The following KCNJ6 variants were observed in gnomAD, a reference collection of about 807,000 sequenced individuals.
The protein encoded by KCNJ6 is potassium inwardly rectifying channel subfamily J member 6, also known as G protein-activated inward rectifier potassium channel 2.
KCNJ6 carries 9 observed loss-of-function variants against 34.2 expected under a neutral mutation model. That is an observed-to-expected ratio of 0.26 (90% CI 0.16 to 0.46). The LOEUF (loss-of-function observed/expected upper bound fraction) is 0.46, where lower values mean the gene tolerates loss of function less well. KCNJ6 is among the 20% of genes least tolerant of loss of function. KCNJ6 has a pLI of 1.00. For synonymous variants in KCNJ6, 196 were observed against 207.1 expected (o/e 0.95, Z 0.46); for missense variants, 236 against 531.3 (o/e 0.44, Z 5.46).
chr21:37,794,140 A>G (rs2055230130), intron 2 of KCNJ6, among the ~76,000 whole-genome samples: 1 of 152,194 alleles, frequency 6.6e-6, no homozygotes. Flanking sequence ...TTTCCTTAAC[A>G]TGTACTCTGC....
chr21:37,856,126 G>A (rs1180031081), intron 1 of KCNJ6, among the ~76,000 whole-genome samples: 1 of 152,166 alleles, frequency 6.6e-6, no homozygotes, highest in African/African-American at 2.4e-5. Flanking sequence ...AGGAGGGTGG[G>A]GAAGGGGAGG....
chr21:37,866,796 C>T (rs527274942), intron 1 of KCNJ6, among the ~76,000 whole-genome samples: 8 of 152,280 alleles, frequency 5.3e-5, no homozygotes, highest in African/African-American at 1.7e-4. Flanking sequence ...TGGCCAACGG[C>T]TGTTGGAAAG....
chr21:37,636,935 C>T (rs917211307), intron 3 of KCNJ6, among the ~76,000 whole-genome samples: 6 of 152,368 alleles, frequency 3.9e-5, no homozygotes, highest in South Asian at 2.1e-4. Context: ...ACTCTCACCA[C>T]TTCTGAATAC....
At chr21:37,781,701 T>A (rs764175889) in intron 2 of KCNJ6, among the ~76,000 whole-genome samples, 17 of 152,138 alleles carry the variant, frequency 1.1e-4, no homozygotes, top group Non-Finnish European at 2.4e-4. Flanking sequence ...AAACCGATAC[T>A]AGAAAGAGTA....
At chr21:37,702,737 C>G (rs2054698029) in intron 3 of KCNJ6, among the ~76,000 whole-genome samples, 1 of 152,132 alleles carries the variant, frequency 6.6e-6, no homozygotes, top group South Asian at 2.1e-4. Flanking sequence ...TTGGAATAGG[C>G]TCTGAGGCAT....
In KCNJ6 at chr21:37,625,452, T is replaced by C. The variant is rs1035632464; in HGVS notation, c.979A>G (p.Thr327Ala). The C allele has an allele frequency of 1.9e-6, 3 of 1,613,752 alleles. No homozygotes were observed. The African/African-American group carries it at 4.0e-5, about 22-fold the overall frequency. The change falls in exon 4 of 4, where the codon ACC becomes GCC. Residue 327 changes from threonine to alanine, a missense_variant. Transcript: ENST00000609713. ...MTCQARSSYI[T>A]SEILWGYRFT... ...CGGTAACCCCACAGGATCTCACTGG[T>C]GATGTAGGAGCTTCGAGCTTGGCAT...
chr21:37,757,926 T>G (rs2055039473), intron 2 of KCNJ6, among the ~76,000 whole-genome samples: 3 of 152,226 alleles, frequency 2.0e-5, no homozygotes, highest in Non-Finnish European at 4.4e-5. Context: ...CCTCACAATG[T>G]CAAATCTTAG....
intron 3 of KCNJ6, among the ~76,000 whole-genome samples, chr21:37,634,115 C>T (rs899624859): frequency 3.3e-5 from 5 of 152,186 alleles, no homozygotes; most frequent in Admixed American, 1.3e-4. Flanking sequence ...AGTTGTTATA[C>T]TTTGGATATT....
At chr21:37,873,676 A>C (rs979412328) in intron 1 of KCNJ6, among the ~76,000 whole-genome samples, 1 of 151,976 alleles carries the variant, frequency 6.6e-6, no homozygotes, top group Non-Finnish European at 1.5e-5. Flanking sequence ...CAAATTATTG[A>C]CTTTCTCACT....
intron 1 of KCNJ6, among the ~76,000 whole-genome samples, chr21:37,909,621 C>A (rs907062210): frequency 6.6e-6 from 1 of 152,174 alleles, no homozygotes; most frequent in East Asian, 1.9e-4. Flanking sequence ...CCACCTGACT[C>A]GGCCTCCTAA....
intron 3 of KCNJ6, among the ~76,000 whole-genome samples, chr21:37,637,026 T>C (rs999966706): frequency 4.6e-5 from 7 of 152,240 alleles, no homozygotes; most frequent in African/African-American, 1.7e-4. Context: ...AACACCAGGC[T>C]ACATAGATGA....
chr21:37,662,355 T>C (rs1455855879), intron 3 of KCNJ6, among the ~76,000 whole-genome samples: 2 of 152,242 alleles, frequency 1.3e-5, no homozygotes, highest in African/African-American at 4.8e-5. Flanking sequence ...CATGTGGTGC[T>C]TGGTTTTCTG....
chr21:37,697,744 T>G (rs2054670039), intron 3 of KCNJ6, among the ~76,000 whole-genome samples: 1 of 152,222 alleles, frequency 6.6e-6, no homozygotes, highest in East Asian at 1.9e-4. Context: ...CCTTTCTGCA[T>G]AGACAGTGTT....
intron 1 of KCNJ6, among the ~76,000 whole-genome samples, chr21:37,862,698 G>A (rs1555851169): frequency 6.6e-6 from 1 of 152,220 alleles, no homozygotes; most frequent in Non-Finnish European, 1.5e-5. Context: ...TTCTATTTGT[G>A]CTAGCGGTAG....
At chr21:37,654,014 G>C (rs1273899068) in intron 3 of KCNJ6, among the ~76,000 whole-genome samples, 1 of 151,922 alleles carries the variant, frequency 6.6e-6, no homozygotes, top group Non-Finnish European at 1.5e-5. Context: ...GAACCAGCCT[G>C]GAGAGACTCT....
chr21:37,645,685 T>C (rs2835857), intron 3 of KCNJ6, among the ~76,000 whole-genome samples: 23,922 of 152,214 alleles, frequency 0.16, 3,110 homozygotes, highest in African/African-American at 0.35. Flanking sequence ...GGGGCTGCGG[T>C]GACCCTGGAA....
intron 1 of KCNJ6, among the ~76,000 whole-genome samples, chr21:37,904,925 C>T (rs1246833174): frequency 6.6e-6 from 1 of 152,242 alleles, no homozygotes; most frequent in Non-Finnish European, 1.5e-5. Flanking sequence ...AAACCTTGCA[C>T]ATGAAAGTGA....
chr21:37,858,007 A>G (rs2055573686), intron 1 of KCNJ6, among the ~76,000 whole-genome samples: 1 of 152,218 alleles, frequency 6.6e-6, no homozygotes, highest in Non-Finnish European at 1.5e-5. Context: ...CAGACATGGA[A>G]GACAGAAAAA....
At chr21:37,745,450 A>AG in intron 2 of KCNJ6, among the ~76,000 whole-genome samples, 1 of 152,018 alleles carries the variant, frequency 6.6e-6, no homozygotes, top group East Asian at 1.9e-4. Flanking sequence ...AGATGTGGGA[A>AG]GGGGACCATG....
Sources: gnomAD v4.1 joint callset for allele counts (sites outside exome capture counted in the v4.1 genomes callset) on GRCh38, gnomAD v4.1.1 for gene constraint, MANE v1.5 for transcripts, NCBI Gene and HGNC (gene_info 2026-07-23, HGNC 2026-07-21) for gene names.